The following MAP3K20 variants were observed in gnomAD, a reference collection of about 807,000 sequenced individuals.
The protein encoded by MAP3K20 is mitogen-activated protein kinase kinase kinase 20, also known as HCCS-4.
MAP3K20 carries 40 observed loss-of-function variants against 85.7 expected under a neutral mutation model. That is an observed-to-expected ratio of 0.47 (90% CI 0.36 to 0.61). The LOEUF (loss-of-function observed/expected upper bound fraction) is 0.61. Ranked by LOEUF, MAP3K20 falls within the 20% of genes least tolerant of loss-of-function variation. The probability of loss-of-function intolerance (pLI) is 0.00; values close to 1 mark genes in which losing one functional copy is unlikely to be tolerated. For missense variants in MAP3K20, 817 were observed against 961.7 expected, an observed-to-expected ratio of 0.85 and a Z score of 1.99; for synonymous variants, 325 against 327.7, an observed-to-expected ratio of 0.99 and a Z score of 0.09.
chr2:173,221,134 T>C (rs1430684606), intron 11 of MAP3K20: 22 of 1,470,708 alleles, frequency 1.5e-5, no homozygotes, highest in Non-Finnish European at 2.0e-5. Context: ...TTCTGTCCTT[T>C]CTTCCCTTTT....
At chr2:173,164,274 T>C (rs980507418) in intron 2 of MAP3K20, among the ~76,000 whole-genome samples, 11 of 152,158 alleles carry the variant, frequency 7.2e-5, no homozygotes, top group Non-Finnish European at 1.3e-4. Flanking sequence ...TGGTATCTCA[T>C]TGTGGTTTTG....
chr2:173,263,000 C>T (rs898596072), intron 18 of MAP3K20, among the ~76,000 whole-genome samples: 3 of 152,162 alleles, frequency 2.0e-5, no homozygotes, highest in African/African-American at 7.2e-5. Flanking sequence ...TTTTCAGACC[C>T]CATGATGATA....
At chr2:173,151,263 A>G (rs1389638512) in intron 2 of MAP3K20, among the ~76,000 whole-genome samples, 1 of 152,228 alleles carries the variant, frequency 6.6e-6, no homozygotes, top group Non-Finnish European at 1.5e-5. Context: ...TCCTGGCTAC[A>G]TATTAGACTC....
At chr2:173,168,036 T>C (rs1055013046) in intron 2 of MAP3K20, among the ~76,000 whole-genome samples, 2 of 151,910 alleles carry the variant, frequency 1.3e-5, no homozygotes, top group African/African-American at 2.4e-5. Context: ...ATTTCCAAAC[T>C]GCACATACAT....
rs112810332 is a variant in MAP3K20, at chr2:173,163,983, C to A, written c.160-5822C>A. On this transcript the variant is annotated intron_variant, in intron 2 of 19. Coordinates refer to ENST00000375213, the MANE Select transcript of MAP3K20 (RefSeq NM_016653.3). ...TTGACTTTTTTTTTTTTTTCTGAGA[C>A]GGAGTCTAGCTCTGTCGCGAGGCTG... Among the ~76,000 whole-genome samples the A allele has an allele frequency of 9.2e-3, 1,376 of 150,368 alleles. 20 individuals are homozygous for A. The highest frequency in any genetic ancestry group is 0.032 in the African/African-American group (1,295 of 40,868).
intron 2 of MAP3K20, among the ~76,000 whole-genome samples, chr2:173,129,288 T>C (rs927940680): frequency 9.2e-5 from 14 of 152,094 alleles, no homozygotes; most frequent in Non-Finnish European, 1.5e-4. Context: ...TTACTAACAG[T>C]TTTTTGGAGT....
chr2:173,222,606 G>T, intron 11 of MAP3K20: 1 of 985,374 alleles, frequency 1.0e-6, no homozygotes, highest in Non-Finnish European at 1.2e-6. Flanking sequence ...TTTTAGAGGG[G>T]CATAATAATC....
At chr2:173,135,528 T>C (rs1014425099) in intron 2 of MAP3K20, among the ~76,000 whole-genome samples, 3 of 152,252 alleles carry the variant, frequency 2.0e-5, no homozygotes, top group African/African-American at 2.4e-5. Context: ...AAATGTGATA[T>C]ATTTGCCAGA....
chr2:173,162,833 A>G (rs1356617328), intron 2 of MAP3K20, among the ~76,000 whole-genome samples: 1 of 152,190 alleles, frequency 6.6e-6, no homozygotes, highest in Non-Finnish European at 1.5e-5. Context: ...TCAGTGCCAC[A>G]TCACATGCAG....
intron 3 of MAP3K20, among the ~76,000 whole-genome samples, chr2:173,172,987 G>C (rs372388868): frequency 6.6e-6 from 1 of 151,832 alleles, no homozygotes; most frequent in Non-Finnish European, 1.5e-5. Flanking sequence ...TAGTAGAGAC[G>C]GGGTTTCACC....
chr2:173,119,308 G>GT, intron 2 of MAP3K20, among the ~76,000 whole-genome samples: 1 of 152,196 alleles, frequency 6.6e-6, no homozygotes, highest in East Asian at 1.9e-4. Flanking sequence ...GGCAGAGCTG[G>GT]TGTGCAGGAA....
intron 2 of MAP3K20, among the ~76,000 whole-genome samples, chr2:173,116,842 A>G (rs2106182033): frequency 6.6e-6 from 1 of 152,334 alleles, no homozygotes; most frequent in South Asian, 2.1e-4. Context: ...TTTGCCTATA[A>G]TCTATCTCAC....
chr2:173,234,813 G>C (rs576716321), intron 14 of MAP3K20, among the ~76,000 whole-genome samples: 1 of 152,290 alleles, frequency 6.6e-6, no homozygotes, highest in East Asian at 1.9e-4. Context: ...TTCAGGCTGG[G>C]GGGAAAGAGC....
chr2:173,242,817 C>T (rs1035006019), intron 16 of MAP3K20, among the ~76,000 whole-genome samples: 4 of 150,524 alleles, frequency 2.7e-5, no homozygotes, highest in Non-Finnish European at 5.9e-5. Flanking sequence ...AGCAATTCTC[C>T]TGCCTCAGCC....
chr2:173,246,852 G>A (rs143102274), intron 16 of MAP3K20, among the ~76,000 whole-genome samples: 24 of 152,270 alleles, frequency 1.6e-4, no homozygotes, highest in Non-Finnish European at 3.1e-4. Flanking sequence ...CCAACTCTCC[G>A]AACACGCCGG....
rs761410986 is a variant in MAP3K20, at chr2:173,239,389, G to T, written c.1267-15G>T. The T allele has an allele frequency of 3.5e-5, 56 of 1,595,896 alleles. No homozygotes were observed. Among genetic ancestry groups the T allele is most frequent in the Non-Finnish European group, 4.8e-5 (56 of 1,172,974 alleles). On this transcript the variant is annotated splice_polypyrimidine_tract_variant and intron_variant, in intron 15 of 19. Coordinates refer to ENST00000375213, the MANE Select transcript of MAP3K20 (RefSeq NM_016653.3). ...ACAACATCTAGAATAATTGGTGCTTGGTTTCCTGTTTTAGGACTCAGGAGG... is the reference window on the plus strand; with the variant it reads ...ACAACATCTAGAATAATTGGTGCTTTGTTTCCTGTTTTAGGACTCAGGAGG...
intron 2 of MAP3K20, among the ~76,000 whole-genome samples, chr2:173,105,058 C>T (rs940407927): frequency 1.3e-5 from 2 of 152,162 alleles, no homozygotes; most frequent in Non-Finnish European, 2.9e-5. Flanking sequence ...ATTATAAGAG[C>T]CTCCGACCTA....
intron 2 of MAP3K20, among the ~76,000 whole-genome samples, chr2:173,119,911 T>G (rs566846684): frequency 1.4e-3 from 207 of 152,220 alleles, no homozygotes; most frequent in African/African-American, 4.9e-3. Context: ...AATCATAAAG[T>G]TAGCCTCTAA....
intron 10 of MAP3K20, among the ~76,000 whole-genome samples, chr2:173,215,013 G>A (rs1483631365): frequency 6.6e-6 from 1 of 152,186 alleles, no homozygotes; most frequent in Non-Finnish European, 1.5e-5. Flanking sequence ...CTTGGTGTTT[G>A]TTTCTGTGTC....
Sources: gnomAD v4.1 joint callset for allele counts (sites outside exome capture counted in the v4.1 genomes callset) on GRCh38, gnomAD v4.1.1 for gene constraint, MANE v1.5 for transcripts, NCBI Gene and HGNC (gene_info 2026-07-23, HGNC 2026-07-21) for gene names.